The following COPG1 variants were observed in gnomAD, a reference collection of about 807,000 sequenced individuals.
The protein encoded by COPG1 is coatomer subunit gamma-1.
In COPG1, 29 loss-of-function variants were observed where a neutral mutation model predicts 102.8. The ratio of observed to expected loss-of-function variants is 0.28; its 90% CI spans 0.21 to 0.38. The LOEUF (loss-of-function observed/expected upper bound fraction) is 0.38. Among genes scored for constraint, COPG1 ranks in the 10% least tolerant of loss-of-function variants. The pLI, the probability that COPG1 is intolerant of heterozygous loss-of-function variation, is 1.00. For missense variants in COPG1, 875 were observed against 1,132.7 expected, an observed-to-expected ratio of 0.77 and a Z score of 3.27; for synonymous variants, 406 against 421.6, an observed-to-expected ratio of 0.96 and a Z score of 0.45.
intron 14 of COPG1, among the ~76,000 whole-genome samples, chr3:129,266,552 A>G (rs1163626073): frequency 6.6e-6 from 1 of 152,178 alleles, no homozygotes; most frequent in East Asian, 1.9e-4. Context: ...TCAGTGAGCA[A>G]CCTTCCTATT....
intron 10 of COPG1, 127 bp downstream of exon 10, chr3:129,257,987 C>A: frequency 1.7e-6 from 2 of 1,196,774 alleles, no homozygotes; most frequent in Non-Finnish European, 1.2e-6. Flanking sequence ...ACCTAGGAAG[C>A]ACCTGCCCCA....
intron 12 of COPG1, among the ~76,000 whole-genome samples, chr3:129,262,614 T>C (rs1022729510): frequency 6.6e-6 from 1 of 151,950 alleles, no homozygotes; most frequent in Non-Finnish European, 1.5e-5. Flanking sequence ...TCCCAGCTAC[T>C]CTGGAGGCTG....
intron 3 of COPG1, 116 bp from the exon 4 acceptor site, chr3:129,252,507 C>A: frequency 9.5e-7 from 1 of 1,048,814 alleles, no homozygotes; most frequent in Non-Finnish European, 1.5e-6. Context: ...GCATCCAAGT[C>A]TCATATGTTG....
rs1939723786 is a variant in COPG1, at chr3:129,252,645, A to G, written c.194A>G (p.Glu65Gly). ...CAGGGGGAGCACCTGGGGACCACGG[A>G]AGCGACCGAGGCCTTCTTTGCCATG... ...INQGEHLGTT[E>G]ATEAFFAMTK... Residue 65 changes from glutamate (E) to glycine (G), a missense_variant, in exon 4 of 24, where the codon GAA (glutamate) becomes GGA (glycine). Transcript: ENST00000314797. 6.8e-6 allele frequency: 11 copies of G among 1,614,112 alleles called. No individual in the cohort carries two copies. The highest frequency in any genetic ancestry group is 8.5e-6 in the Non-Finnish European group (10 of 1,179,996).
chr3:129,251,126 C>T (rs938541427), intron 2 of COPG1, among the ~76,000 whole-genome samples: 7 of 150,614 alleles, frequency 4.6e-5, no homozygotes, highest in East Asian at 2.0e-4. Context: ...GGTTTCACCG[C>T]GTTAGCCAGG....
chr3:129,269,478 A>G (rs1313532454), intron 18 of COPG1, among the ~76,000 whole-genome samples: 1 of 152,138 alleles, frequency 6.6e-6, no homozygotes, highest in Non-Finnish European at 1.5e-5. Context: ...TATCCACTGA[A>G]TTCAGTAGAT....
In COPG1 at chr3:129,271,077, C is replaced by T. The variant is rs576308324; in HGVS notation, c.1844-690C>T. 6.6e-6 allele frequency among the ~76,000 whole-genome samples: 1 copy of T among 152,140 alleles called. No homozygotes were observed. On this transcript the variant is annotated intron_variant, in intron 18 of 23. Coordinates refer to ENST00000314797, the MANE Select transcript of COPG1 (RefSeq NM_016128.4). This position sits in a 1 kb window ranked among gnomAD's most constrained non-coding sequence, Gnocchi z 4.7. ...ATAGGTACAAGAGTGGCAGCTGTAG[C>T]CATTATAGGTGGACACCATGTGCAC...
At position 129,274,864 on chromosome 3, in the gene COPG1, T is replaced by G. The variant is rs772738235; in HGVS notation, c.2283T>G (p.Ala761=). The G allele has an allele frequency of 6.2e-7, 1 of 1,614,054 alleles. No homozygotes were observed. The highest frequency in any genetic ancestry group is 2.2e-5 in the East Asian group (1 of 44,900). ...TGGAAGATCTGGAAGTTACTGTAGC[T>G]GATCACATTCAAAAGGTCATGAAAC... ...YVLEDLEVTV[A]DHIQKVMKLN... Residue 761 remains alanine, a synonymous_variant, in exon 22 of 24, where the codon GCT becomes GCG. Coordinates refer to ENST00000314797, the MANE Select transcript of COPG1 (RefSeq NM_016128.4).
chr3:129,249,645 C>T lies in COPG1; in HGVS notation c.-65C>T, dbSNP rs1035796776. 9.8e-6 allele frequency: 15 copies of T among 1,537,320 alleles called. No homozygotes were observed. The African/African-American group carries it at 1.1e-4, about 11-fold the overall frequency. On this transcript the variant is annotated 5_prime_UTR_variant, in exon 1 of 24. Transcript: ENST00000314797. The stretch of plus-strand genomic sequence containing the variant: ...AGTGGTCCCTGTAGAACCACTGTGG[C>T]ACCGCTACTCCGTGCCGCGCCCGTC...
intron 18 of COPG1, among the ~76,000 whole-genome samples, chr3:129,269,265 T>G (rs2107678322): frequency 6.6e-6 from 1 of 152,210 alleles, no homozygotes; most frequent in African/African-American, 2.4e-5. Context: ...GGGCCTCAAT[T>G]TGGAGGGCTC....
At chr3:129,276,898 G>A (rs982763164) in intron 23 of COPG1, among the ~76,000 whole-genome samples, 11 of 145,064 alleles carry the variant, frequency 7.6e-5, no homozygotes, top group Non-Finnish European at 1.5e-4. Context: ...ATCTCTGCTC[G>A]CTGCAACCTC....
chr3:129,249,982 C>T (rs111688829), intron 1 of COPG1, among the ~76,000 whole-genome samples: 1 of 150,538 alleles, frequency 6.6e-6, no homozygotes, highest in Non-Finnish European at 1.5e-5. Context: ...CACCCCCCCC[C>T]CCAGGCCTCA....
In COPG1 at chr3:129,250,567, A is replaced by G. The variant is rs551363325; in HGVS notation, c.38-115A>G. On this transcript the variant is annotated intron_variant, in intron 1 of 23. Coordinates refer to ENST00000314797, the MANE Select transcript of COPG1 (RefSeq NM_016128.4). ...TGTAGAGGCTTGATTGCCATTCCTG[A>G]GGAGTTTGAACTTTACTAGATTTCC... is the stretch of plus-strand genomic sequence containing the variant. 3.1e-5 allele frequency: 25 copies of G among 795,098 alleles called. 1 individual carries two copies. In the South Asian group the frequency reaches 3.4e-4, roughly 11 times the overall value. The allele number at this position is 795,098 out of a possible 1,614,324, so 49.3% of individuals were successfully genotyped here. A position where few individuals can be genotyped will look rare whatever the true frequency, so the allele number is the denominator to read the frequency against.
intron 18 of COPG1, among the ~76,000 whole-genome samples, chr3:129,270,516 A>G (rs1940163409): frequency 6.6e-6 from 1 of 152,210 alleles, no homozygotes; most frequent in Non-Finnish European, 1.5e-5. Context: ...TCCCAAGAAA[A>G]TAAATATCAA....
chr3:129,265,849 C>T, intron 14 of COPG1, 57 bp downstream of exon 14: 1 of 1,570,040 alleles, frequency 6.4e-7, no homozygotes, highest in South Asian at 1.2e-5. Flanking sequence ...ATAAATGTCC[C>T]AGCAAAGGGA....
chr3:129,269,382 C>T (rs6767119), intron 18 of COPG1, among the ~76,000 whole-genome samples: 18,713 of 152,098 alleles, frequency 0.12, 1,294 homozygotes, highest in Middle Eastern at 0.23. Context: ...TCCACATTGT[C>T]TTGTAAGGTT....
At chr3:129,259,021 G>T (rs547284581) in intron 10 of COPG1, among the ~76,000 whole-genome samples, 2 of 152,298 alleles carry the variant, frequency 1.3e-5, no homozygotes, top group South Asian at 4.1e-4. Flanking sequence ...AAGATGTTGT[G>T]GCAGGAGAGT....
intron 23 of COPG1, among the ~76,000 whole-genome samples, chr3:129,276,144 G>A (rs549507830): frequency 1.2e-4 from 18 of 152,316 alleles, no homozygotes; most frequent in Admixed American, 1.2e-3. Flanking sequence ...CTACACTGTG[G>A]ACAACATAAT....
intron 12 of COPG1, among the ~76,000 whole-genome samples, chr3:129,261,799 A>G (rs1576964691): frequency 6.6e-6 from 1 of 152,304 alleles, no homozygotes; most frequent in East Asian, 1.9e-4. Context: ...TTGCCACCAC[A>G]GTGAAGACAC....
Sources: gnomAD v4.1 joint callset for allele counts (sites outside exome capture counted in the v4.1 genomes callset) on GRCh38, gnomAD v4.1.1 for gene constraint, Gnocchi (gnomAD v3.1) non-coding constraint, MANE v1.5 for transcripts, NCBI Gene and HGNC (gene_info 2026-07-23, HGNC 2026-07-21) for gene names.